NANOGNB: variants seen among roughly 807,000 people sequenced by gnomAD.
The protein encoded by NANOGNB is homeobox C14.
Under a neutral mutation model 25.0 loss-of-function variants are expected in NANOGNB, and 30 were observed. That is an observed-to-expected ratio of 1.20 (90% CI 0.90 to 1.63). The LOEUF (loss-of-function observed/expected upper bound fraction) is 1.63, where lower values mean the gene tolerates loss of function less well. Among genes scored for constraint, NANOGNB ranks in the 40% most tolerant of loss-of-function variants. The pLI, the probability that NANOGNB is intolerant of heterozygous loss-of-function variation, is 0.00. For synonymous variants in NANOGNB, 84 were observed against 62.1 expected, an observed-to-expected ratio of 1.35 and a Z score of -1.66; for missense variants, 200 against 188.1, an observed-to-expected ratio of 1.06 and a Z score of -0.37.
At chr12:7,769,617 C>G (rs1865274262) in intron 1 of NANOGNB, among the ~76,000 whole-genome samples, 1 of 152,024 alleles carries the variant, frequency 6.6e-6, no homozygotes. Flanking sequence ...GCCACCACCT[C>G]CCGGGTTAAA....
chr12:7,773,443 G>A (rs1185790367), intron 3 of NANOGNB, among the ~76,000 whole-genome samples: 1 of 148,676 alleles, frequency 6.7e-6, no homozygotes, highest in Non-Finnish European at 1.5e-5. Flanking sequence ...GCTCATGCCT[G>A]TAATCCCAGC....
rs918233613 is a variant in NANOGNB at position 7,773,904 on chromosome 12, A to G, written c.*53A>G. 6.1e-5 allele frequency: 36 copies of G among 593,966 alleles called. No homozygotes were observed. In the African/African-American group the frequency reaches 6.2e-4, roughly 10 times the overall value. The allele number at this position is 593,966 out of a possible 1,614,324, so 36.8% of individuals were successfully genotyped here. On this transcript the variant is annotated 3_prime_UTR_variant, in exon 4 of 4. Transcript: ENST00000382119. The stretch of plus-strand genomic sequence containing the variant: ...TGTGATTACAAGCATGAGCCATCGC[A>G]CTGGCTAAGACATTTTACATGACAC...
In NANOGNB at chr12:7,773,831, C is replaced by T. The variant is rs184126538; in HGVS notation, c.547C>T (p.Arg183Ter). ...ATCTCTGTGTTGCCAAGGCTGGTCT[C>T]GAACTCCTGCCCTCAAGTGATCTTC... ...WRSLCCQGWS[R>*]TPALK Residue 183 changes from arginine (R) to a stop codon, truncating the protein, a stop_gained, in exon 4 of 4, where the codon CGA (arginine) becomes TGA (stop). Transcript: ENST00000382119. LOFTEE classifies it high-confidence loss of function. 109 of 611,988 alleles carry T rather than the reference C, an allele frequency of 1.8e-4. No individual in the cohort carries two copies. In the East Asian group the frequency reaches 2.9e-3, roughly 16 times the overall value. 37.9% of individuals were successfully genotyped at this position (611,988 alleles called of 1,614,324 possible).
intron 1 of NANOGNB, among the ~76,000 whole-genome samples, chr12:7,769,234 A>G (rs1865271394): frequency 1.3e-5 from 2 of 152,092 alleles, no homozygotes; most frequent in South Asian, 2.1e-4. Flanking sequence ...ATATCGGCTT[A>G]CTGCAACCTC....
intron 3 of NANOGNB, among the ~76,000 whole-genome samples, chr12:7,771,872 C>T (rs771740359): frequency 1.3e-5 from 2 of 152,130 alleles, no homozygotes; most frequent in South Asian, 2.1e-4. Flanking sequence ...CCGCCCGCCT[C>T]GGCCTCCCAA....
At chr12:7,772,572 C>T (rs1242670605) in intron 3 of NANOGNB, among the ~76,000 whole-genome samples, 4 of 136,582 alleles carry the variant, frequency 2.9e-5, no homozygotes, top group East Asian at 4.3e-4. Context: ...CCACCGCACC[C>T]GGCCTTTTTT....
chr12:7,770,990 A>C (rs932932359), intron 3 of NANOGNB, among the ~76,000 whole-genome samples: 1 of 152,232 alleles, frequency 6.6e-6, no homozygotes, highest in African/African-American at 2.4e-5. Flanking sequence ...AAAACACCAC[A>C]CAGGCACACA....
At chr12:7,770,977 C>T (rs1168309699) in intron 3 of NANOGNB, among the ~76,000 whole-genome samples, 1 of 152,210 alleles carries the variant, frequency 6.6e-6, no homozygotes, top group Non-Finnish European at 1.5e-5. Flanking sequence ...TTTCACTCTA[C>T]TCAAAACACC....
At chr12:7,767,804 C>T (rs1365469347) in intron 1 of NANOGNB, among the ~76,000 whole-genome samples, 1 of 150,322 alleles carries the variant, frequency 6.7e-6, no homozygotes, top group Admixed American at 6.7e-5. Flanking sequence ...CTCTGTCACC[C>T]AGGTGGGAGT....
chr12:7,770,275 G>A lies in NANOGNB; in HGVS notation c.395G>A (p.Ser132Asn), dbSNP rs1009345618. The A allele has an allele frequency of 6.5e-7, 1 of 1,534,072 alleles. No homozygotes were observed. Among genetic ancestry groups the A allele is most frequent in the East Asian group, 2.4e-5 (1 of 40,850 alleles). ...KLNRCPTIQE[S>N]LSLSFEFDMT... ...AACAGGTGCCCCACTATACAAGAGAGTCTATCACTGTCATTTGAATTTGAC... is the reference window on the plus strand; with the variant it reads ...AACAGGTGCCCCACTATACAAGAGAATCTATCACTGTCATTTGAATTTGAC... The change falls in exon 2 of 4, where the codon AGT becomes AAT. Residue 132 changes from serine to asparagine, a missense_variant. Physicochemically the swap from Ser to Asn is conservative, Grantham distance 46 (BLOSUM62 1). Coordinates refer to ENST00000382119, the MANE Select transcript of NANOGNB (RefSeq NM_001145465.1).
chr12:7,769,959 T>A, intron 1 of NANOGNB, 24 bp from the exon 2 acceptor site: 3 of 1,470,546 alleles, frequency 2.0e-6, no homozygotes, highest in Non-Finnish European at 2.7e-6. Flanking sequence ...AGCTTGATTT[T>A]ATTCCACGGA....
chr12:7,773,476 G>A (rs1317489593), intron 3 of NANOGNB, among the ~76,000 whole-genome samples: 1 of 146,820 alleles, frequency 6.8e-6, no homozygotes, highest in Admixed American at 7.1e-5. Context: ...CAAGGCAGGT[G>A]GATCACCTGA....
chr12:7,767,169 G>C (rs1168422544), intron 1 of NANOGNB, among the ~76,000 whole-genome samples: 1 of 152,100 alleles, frequency 6.6e-6, no homozygotes, highest in Non-Finnish European at 1.5e-5. Flanking sequence ...CAATGTCAGG[G>C]TCATTAATGT....
intron 3 of NANOGNB, among the ~76,000 whole-genome samples, chr12:7,771,520 A>G (rs748617316): frequency 6.9e-4 from 104 of 151,688 alleles, no homozygotes; most frequent in Non-Finnish European, 1.3e-3. Context: ...CGCCCAGCCA[A>G]TATCAACAGT....
intron 1 of NANOGNB, among the ~76,000 whole-genome samples, chr12:7,765,619 A>C (rs1466251481): frequency 6.7e-6 from 1 of 150,228 alleles, no homozygotes; most frequent in Non-Finnish European, 1.5e-5. Context: ...TATATTTTAA[A>C]GAAAGAAAAG....
In NANOGNB at chr12:7,770,300, C is replaced by A; in HGVS notation, c.420C>A (p.Asp140Glu). 6.5e-7 allele frequency: 1 copy of A among 1,530,926 alleles called. No homozygotes were observed. Among genetic ancestry groups the A allele is most frequent in the Non-Finnish European group, 8.8e-7 (1 of 1,140,422 alleles). The allele number at this position is 1,530,926 out of a possible 1,614,324, so 94.8% of individuals were successfully genotyped here. ...QESLSLSFEF[D>E]MTHKQISQWF... ...GTCTATCACTGTCATTTGAATTTGA[C>A]ATGACACATAAACAGGTATGACAAC... Residue 140 changes from aspartate (D) to glutamate (E), a missense_variant, in exon 2 of 4, where the codon GAC (aspartate) becomes GAA (glutamate). Coordinates refer to ENST00000382119, the MANE Select transcript of NANOGNB (RefSeq NM_001145465.1).
At chr12:7,766,514 C>G (rs1266175040) in intron 1 of NANOGNB, among the ~76,000 whole-genome samples, 3 of 152,154 alleles carry the variant, frequency 2.0e-5, no homozygotes, top group Non-Finnish European at 4.4e-5. Context: ...AACAAACCCA[C>G]TATCTCACCA....
chr12:7,767,446 C>T (rs1231174916), intron 1 of NANOGNB, among the ~76,000 whole-genome samples: 6 of 150,644 alleles, frequency 4.0e-5, no homozygotes, highest in African/African-American at 1.5e-4. Flanking sequence ...CGCCTGTAAT[C>T]CCAGCACTTT....
rs866678269 is a variant in NANOGNB, at chr12:7,765,293, G to A, written c.8G>A (p.Arg3Gln). The change falls in exon 1 of 4, where the codon CGG (arginine) becomes CAG (glutamine). Residue 3 changes from arginine to glutamine, a missense_variant. Physicochemically the swap from Arg to Gln is conservative, Grantham distance 43. Coordinates refer to ENST00000382119, the MANE Select transcript of NANOGNB (RefSeq NM_001145465.1). The part of the protein sequence containing the change: MH[R>Q]ARWLTPVIPA... ...GGTCTTTAAAACTCCTCAATGCACCGGGCGCGGTGGCTCACGCCTGTAATC... is the reference window on the plus strand; with the variant it reads ...GGTCTTTAAAACTCCTCAATGCACCAGGCGCGGTGGCTCACGCCTGTAATC... The A allele has an allele frequency of 3.6e-5, 46 of 1,279,510 alleles. No homozygotes were observed. The Middle Eastern group carries it at 1.1e-3, about 30-fold the overall frequency. 79.3% of individuals were successfully genotyped at this position (1,279,510 alleles called of 1,614,324 possible).
Sources: gnomAD v4.1 joint callset for allele counts (sites outside exome capture counted in the v4.1 genomes callset) on GRCh38, gnomAD v4.1.1 for gene constraint, MANE v1.5 for transcripts, NCBI Gene and HGNC (gene_info 2026-07-23, HGNC 2026-07-21) for gene names.